Variants in UBAP1 observed in about 807,000 individuals in gnomAD.
UBAP1 encodes the protein ubiquitin-associated protein 1.
A neutral mutation model predicts 39.0 loss-of-function variants in UBAP1; 5 were observed. That is an observed-to-expected ratio of 0.13 (90% CI 0.07 to 0.27). The LOEUF (loss-of-function observed/expected upper bound fraction) is 0.27, where lower values mean the gene tolerates loss of function less well. Ranked by LOEUF, UBAP1 falls within the 10% of genes least tolerant of loss-of-function variation. The probability of loss-of-function intolerance (pLI) is 1.00; values close to 1 mark genes in which losing one functional copy is unlikely to be tolerated. For synonymous variants in UBAP1, 211 were observed against 225.1 expected, an observed-to-expected ratio of 0.94 and a Z score of 0.56; for missense variants, 490 against 608.1, an observed-to-expected ratio of 0.81 and a Z score of 2.04.
chr9:34,198,634 G>T (rs116524579), intron 1 of UBAP1, among the ~76,000 whole-genome samples: 2,516 of 152,260 alleles, frequency 0.017, 69 homozygotes, highest in African/African-American at 0.057. Flanking sequence ...TCATTGTCAT[G>T]ATTTGCATAC....
intron 3 of UBAP1, among the ~76,000 whole-genome samples, chr9:34,240,299 G>T (rs1833895311): frequency 6.6e-6 from 1 of 152,178 alleles, no homozygotes; most frequent in Non-Finnish European, 1.5e-5. Context: ...AATGGCTTGA[G>T]TATGACCAGG....
intron 3 of UBAP1, among the ~76,000 whole-genome samples, chr9:34,237,971 C>T (rs1478222871): frequency 6.6e-6 from 1 of 152,130 alleles, no homozygotes; most frequent in Non-Finnish European, 1.5e-5. Context: ...TTTTCATCAC[C>T]CCAAAAGGAA....
chr9:34,239,792 T>G (rs1412655310), intron 3 of UBAP1, among the ~76,000 whole-genome samples: 1 of 152,204 alleles, frequency 6.6e-6, no homozygotes, highest in South Asian at 2.1e-4. Context: ...TAATGCTTAC[T>G]CTGGTTCCTG....
At chr9:34,207,077 A>G (rs550562379) in intron 1 of UBAP1, among the ~76,000 whole-genome samples, 2 of 92,608 alleles carry the variant, frequency 2.2e-5, no homozygotes, top group Non-Finnish European at 4.2e-5. Context: ...TTGAGATGGA[A>G]TTTTGCTCTT....
At chr9:34,217,244 T>C (rs1832375844) in intron 1 of UBAP1, among the ~76,000 whole-genome samples, 1 of 152,064 alleles carries the variant, frequency 6.6e-6, no homozygotes, top group Admixed American at 6.5e-5. Flanking sequence ...CATAGGTGAT[T>C]GTTGTTACTG....
chr9:34,225,855 G>C (rs1022928750), intron 2 of UBAP1, among the ~76,000 whole-genome samples: 1 of 151,520 alleles, frequency 6.6e-6, no homozygotes, highest in Non-Finnish European at 1.5e-5. Context: ...CTAGGAGAAA[G>C]GTTATTTATC....
intron 1 of UBAP1, among the ~76,000 whole-genome samples, chr9:34,192,575 C>T (rs1000592319): frequency 6.7e-6 from 1 of 148,298 alleles, no homozygotes; most frequent in African/African-American, 2.5e-5. Flanking sequence ...GTTTTAAAAC[C>T]AATCTCTCTC....
chr9:34,231,672 T>G (rs1380205765), intron 2 of UBAP1, among the ~76,000 whole-genome samples: 2 of 151,222 alleles, frequency 1.3e-5, no homozygotes, highest in African/African-American at 2.4e-5. Context: ...TGAGATAGAG[T>G]CTCGCTCTGT....
chr9:34,243,489 CTTTTTTT>C (rs971182110), intron 4 of UBAP1, among the ~76,000 whole-genome samples: 70 of 141,112 alleles, frequency 5.0e-4, no homozygotes, highest in African/African-American at 1.6e-3. Flanking sequence ...TTTCTTTTTT[CTTTTTTT>C]TTTTTTTGAG....
Position 34,241,409 on chromosome 9 carries a change from C to T in UBAP1, c.384C>T (p.Ser128=). The T allele has an allele frequency of 6.3e-7, 1 of 1,579,580 alleles. No individual in the cohort carries two copies. The highest frequency in any genetic ancestry group is 8.6e-7 in the Non-Finnish European group (1 of 1,162,506). The stretch of plus-strand genomic sequence containing the variant: ...TCCTCGCCAGCTTGCAGCACAACAG[C>T]ATCCTCACACCAACTCGGGTCAGCA... ...NPILASLQHN[S]ILTPTRVSSS... The change falls in exon 4 of 7, where the codon AGC becomes AGT. Residue 128 remains serine (S), a synonymous_variant. Coordinates refer to ENST00000297661, the MANE Select transcript of UBAP1 (RefSeq NM_016525.5).
chr9:34,224,069 T>A, intron 2 of UBAP1: 1 of 594,472 alleles, frequency 1.7e-6, no homozygotes, highest in Non-Finnish European at 2.9e-6. Context: ...TTGGCCACAC[T>A]GTCCCGGCCT....
chr9:34,245,637 C>T (rs1313825663), intron 4 of UBAP1, among the ~76,000 whole-genome samples: 1 of 33,674 alleles, frequency 3.0e-5, no homozygotes, highest in African/African-American at 1.2e-4. Flanking sequence ...ATACCTTCTG[C>T]CTCCTGCACA....
At position 34,250,847 on chromosome 9, in the gene UBAP1, C is replaced by T. The variant is rs1834461288; in HGVS notation, c.1368+88C>T. Reference sequence around the variant, plus strand: ...TTTTCTCCCTTGGCCCACACACAACCTTTTTGCTTTGCCAGTGACTACAGG... The same window carrying T: ...TTTTCTCCCTTGGCCCACACACAACTTTTTTGCTTTGCCAGTGACTACAGG... On this transcript the variant is annotated intron_variant, in intron 6 of 6. Coordinates refer to ENST00000297661, the MANE Select transcript of UBAP1 (RefSeq NM_016525.5). 1.3e-5 allele frequency: 15 copies of T among 1,136,054 alleles called. No individual in the cohort carries two copies. In the East Asian group the frequency reaches 3.7e-4, roughly 28 times the overall value. The allele number at this position is 1,136,054 out of a possible 1,614,324, so 70.4% of individuals were successfully genotyped here. A position where few individuals can be genotyped will look rare whatever the true frequency, so the allele number is the denominator to read the frequency against.
chr9:34,251,246 G>A, intron 6 of UBAP1, 146 bp from the exon 7 acceptor site: 1 of 837,996 alleles, frequency 1.2e-6, no homozygotes, highest in Non-Finnish European at 1.8e-6. Flanking sequence ...GCTTGCTAGG[G>A]GACCTTATGG....
chr9:34,179,349 C>T (rs1054533557), intron 1 of UBAP1, 109 bp downstream of exon 1: 3 of 854,270 alleles, frequency 3.5e-6, no homozygotes, highest in African/African-American at 3.5e-5. Flanking sequence ...AGGTGAAGGG[C>T]GCCGGAGCTA....
At chr9:34,206,162 C>T (rs1831676013) in intron 1 of UBAP1, 1 of 152,168 alleles carries the variant, frequency 6.6e-6, no homozygotes, top group African/African-American at 2.4e-5. Context: ...GTGTTTCTCC[C>T]TTCCAAGTAC....
Position 34,220,922 on chromosome 9 carries a change from C to T in UBAP1, c.8C>T (p.Ser3Phe). The T allele has an allele frequency of 6.2e-7, 1 of 1,613,496 alleles. No individual in the cohort carries two copies. The highest frequency in any genetic ancestry group is 8.5e-7 in the Non-Finnish European group (1 of 1,179,660). Residue 3 changes from serine (S) to phenylalanine (F), a missense_variant, in exon 2 of 7, where the codon TCT becomes TTT. By Grantham distance (155) the Ser-to-Phe change is radical. Transcript: ENST00000297661. MA[S>F]KKLGADFHGT... ...TTGTTTTTCAGGTTCTAAATGGCTTCTAAGAAGTTGGGTGCAGATTTTCAT... is the reference window on the plus strand; with the variant it reads ...TTGTTTTTCAGGTTCTAAATGGCTTTTAAGAAGTTGGGTGCAGATTTTCAT...
chr9:34,224,681 A>G (rs1832955351), intron 2 of UBAP1: 1 of 281,004 alleles, frequency 3.6e-6, no homozygotes, highest in Middle Eastern at 9.4e-4. Context: ...AAAGTATCCT[A>G]TTTTTAGATA....
In UBAP1 at chr9:34,182,681, T is replaced by TTCTCTC. The variant is rs1437312393; in HGVS notation, c.-8+3447_-8+3452dup. ...TTTCTTTCTTTCTTTCTTTCTTTCT[T>TTCTCTC]TCTCTCTCTCTTTCTTTTCTTTTCT... On this transcript the variant is annotated intron_variant, in intron 1 of 6. Transcript: ENST00000297661. Among the ~76,000 whole-genome samples, 8 of 115,598 alleles carry TTCTCTC rather than the reference T, an allele frequency of 6.9e-5. No homozygotes were observed. In the East Asian group the frequency reaches 1.5e-3, roughly 22 times the overall value. The allele number at this position is 115,598 out of a possible 152,430, so 75.8% of individuals were successfully genotyped here.
Sources: allele counts gnomAD v4.1 joint callset (sites outside exome capture counted in the v4.1 genomes callset), GRCh38; gene constraint gnomAD v4.1.1; transcripts MANE v1.5; gene names NCBI Gene and HGNC (gene_info 2026-07-23, HGNC 2026-07-21).